The following DAB1 variants were observed in gnomAD, a reference collection of about 807,000 sequenced individuals.
The protein encoded by DAB1 is disabled homolog 1.
In DAB1, 15 loss-of-function variants were observed where a neutral mutation model predicts 64.6. That is an observed-to-expected ratio of 0.23 (90% confidence interval 0.16 to 0.36). The LOEUF is 0.36. Ranked by LOEUF, DAB1 falls within the 10% of genes least tolerant of loss-of-function variation. DAB1 has a pLI of 1.00. For missense variants in DAB1, 596 were observed against 706.7 expected, an observed-to-expected ratio of 0.84 and a Z score of 1.78; for synonymous variants, 235 against 251.9, an observed-to-expected ratio of 0.93 and a Z score of 0.64.
intron 6 of DAB1, among the ~76,000 whole-genome samples, chr1:57,758,660 C>T (rs35438587): frequency 0.047 from 7,151 of 152,232 alleles, 260 homozygotes; most frequent in South Asian, 0.069. Flanking sequence ...TATTTCAAGG[C>T]TGCATTGGCA....
Position 58,061,082 on chromosome 1 carries a change from C to G in DAB1, n.387+89429G>C, listed in dbSNP as rs376613309. Among the ~76,000 whole-genome samples, 44 of 152,304 alleles carry G rather than the reference C, an allele frequency of 2.9e-4. 1 individual carries two copies. The South Asian group carries it at 8.7e-3, about 30-fold the overall frequency. On this transcript the variant is annotated intron_variant and non_coding_transcript_variant, in intron 5 of 20. Coordinates refer to the DAB1 transcript ENST00000485760. ...TGGCCAGGACAGAGGATGCTCAGGT[C>G]TGACGTGGGCTCAGGAACGTCCTCA...
At chr1:57,244,537 T>A (rs1347194684) in intron 2 of DAB1, among the ~76,000 whole-genome samples, 3 of 152,208 alleles carry the variant, frequency 2.0e-5, no homozygotes, top group African/African-American at 7.2e-5. Context: ...CAGCTGAAGA[T>A]TAGAGGTGGA....
intron 4 of DAB1, among the ~76,000 whole-genome samples, chr1:58,248,106 CAAAG>C (rs1660634112): frequency 6.6e-6 from 1 of 151,928 alleles, no homozygotes; most frequent in African/African-American, 2.4e-5. Flanking sequence ...AAAATCTTGT[CAAAG>C]AGAGAGTGCT....
At position 57,986,957 on chromosome 1, in the gene DAB1, G is replaced by A. The variant is rs534568408; in HGVS notation, n.388-102795C>T. On this transcript the variant is annotated intron_variant and non_coding_transcript_variant, in intron 5 of 20. Coordinates refer to the DAB1 transcript ENST00000485760. Reference sequence around the variant, plus strand: ...CCTTAATTCATAGGTAAGTATACGAGGTCAGAGACTTTAAATGAATTGTTC... The same window carrying A: ...CCTTAATTCATAGGTAAGTATACGAAGTCAGAGACTTTAAATGAATTGTTC... Among the ~76,000 whole-genome samples the A allele has an allele frequency of 4.6e-5, 7 of 152,234 alleles. No individual in the cohort carries two copies. In the East Asian group the frequency reaches 9.6e-4, roughly 21 times the overall value.
chr1:58,002,393 T>C (rs942574493), intron 5 of DAB1, among the ~76,000 whole-genome samples: 2 of 152,230 alleles, frequency 1.3e-5, no homozygotes, highest in African/African-American at 4.8e-5. Context: ...TATGAGTTAA[T>C]TCTATAGTTC....
chr1:58,429,894 A>C (rs1644853378), intron 3 of DAB1, among the ~76,000 whole-genome samples: 1 of 152,218 alleles, frequency 6.6e-6, no homozygotes, highest in African/African-American at 2.4e-5. Flanking sequence ...TGGAAAGTCC[A>C]AGATCAAGGT....
intron 14 of DAB1, among the ~76,000 whole-genome samples, chr1:57,001,955 C>T (rs1645884981): frequency 6.6e-6 from 1 of 152,162 alleles, no homozygotes; most frequent in Non-Finnish European, 1.5e-5. Flanking sequence ...TCCACTGGGC[C>T]TTGCATGTCA....
At chr1:57,950,979 A>G (rs1225251375) in intron 5 of DAB1, among the ~76,000 whole-genome samples, 1 of 152,160 alleles carries the variant, frequency 6.6e-6, no homozygotes, top group Non-Finnish European at 1.5e-5. Context: ...TACTGAATGC[A>G]GAATAAGTTC....
intron 1 of DAB1, chr1:57,386,746 G>C (rs917182716): frequency 7.6e-5 from 9 of 117,904 alleles, no homozygotes; most frequent in African/African-American, 3.1e-4. Flanking sequence ...GTGCGTGTGT[G>C]TGTGTGTGTG....
intron 2 of DAB1, among the ~76,000 whole-genome samples, chr1:57,281,214 A>G (rs1408489557): frequency 3.9e-5 from 6 of 152,204 alleles, no homozygotes; most frequent in African/African-American, 1.4e-4. Flanking sequence ...TGAGTGATAA[A>G]GAGAATAAAC....
intron 5 of DAB1, among the ~76,000 whole-genome samples, chr1:58,130,881 G>C (rs1653508934): frequency 6.6e-6 from 1 of 151,830 alleles, no homozygotes; most frequent in Non-Finnish European, 1.5e-5. Context: ...CTCTCTGGCT[G>C]CCCTTAACAT....
chr1:57,000,082 C>T (rs1052030937), intron 14 of DAB1, among the ~76,000 whole-genome samples: 3 of 136,036 alleles, frequency 2.2e-5, no homozygotes, highest in South Asian at 2.4e-4. Flanking sequence ...CTCACTCTGT[C>T]GCCCAGGCTA....
At chr1:57,846,174 A>G (rs925057702) in intron 1 of DAB1, among the ~76,000 whole-genome samples, 3 of 152,120 alleles carry the variant, frequency 2.0e-5, no homozygotes, top group East Asian at 1.9e-4. Flanking sequence ...TAAAAATTCA[A>G]TGTGGCCAGG....
rs146181209 is a variant in DAB1, at chr1:58,252,721, G to A, written n.309+90631C>T. 3.1e-3 allele frequency among the ~76,000 whole-genome samples: 477 copies of A among 152,248 alleles called. 2 individuals carry two copies. Among genetic ancestry groups the A allele is most frequent in the African/African-American group, 0.011 (453 of 41,542 alleles). On this transcript the variant is annotated intron_variant and non_coding_transcript_variant, in intron 4 of 20. Transcript: ENST00000485760. ...AGATGAGAAAGCTAAACCCCAGACAGGTGAAGTAGCAGAGCTGGAACTTGG... is the reference window on the plus strand; with the variant it reads ...AGATGAGAAAGCTAAACCCCAGACAAGTGAAGTAGCAGAGCTGGAACTTGG...
intron 7 of DAB1, among the ~76,000 whole-genome samples, chr1:57,440,430 A>T (rs1370038607): frequency 6.6e-6 from 1 of 152,202 alleles, no homozygotes; most frequent in Non-Finnish European, 1.5e-5. Context: ...CCTTTCGAAG[A>T]GATGGGAACT....
chr1:58,168,360 A>G (rs1315703444), intron 4 of DAB1, among the ~76,000 whole-genome samples: 1 of 152,146 alleles, frequency 6.6e-6, no homozygotes, highest in Non-Finnish European at 1.5e-5. Context: ...GAACTCTCAA[A>G]GTCATGTCAC....
chr1:57,590,044 C>T (rs1645425476), intron 7 of DAB1, among the ~76,000 whole-genome samples: 2 of 152,012 alleles, frequency 1.3e-5, no homozygotes, highest in Non-Finnish European at 2.9e-5. Flanking sequence ...TAAAAAATAA[C>T]CCAGACTAAG....
chr1:57,829,590 T>A (rs963770286), intron 1 of DAB1, among the ~76,000 whole-genome samples: 3 of 152,222 alleles, frequency 2.0e-5, no homozygotes, highest in Non-Finnish European at 1.5e-5. Context: ...AAACATTTAT[T>A]GAGAGCTTCT....
chr1:58,003,056 C>T (rs1646530609), intron 5 of DAB1, among the ~76,000 whole-genome samples: 1 of 151,908 alleles, frequency 6.6e-6, no homozygotes, highest in Non-Finnish European at 1.5e-5. Context: ...TATTAATGTT[C>T]ATTTTATTAT....
Sources: gnomAD v4.1 joint callset for allele counts (sites outside exome capture counted in the v4.1 genomes callset) on GRCh38, gnomAD v4.1.1 for gene constraint, MANE v1.5 for transcripts, NCBI Gene and HGNC (gene_info 2026-07-23, HGNC 2026-07-21) for gene names.